ZNF91: variants seen among roughly 807,000 people sequenced by gnomAD.
ZNF91 encodes the protein zinc finger protein 91 (HPF7, HTF10).
ZNF91 carries 7 observed loss-of-function variants against 12.6 expected under a neutral mutation model. The ratio of observed to expected loss-of-function variants is 0.55; its 90% confidence interval spans 0.31 to 1.04. The LOEUF is 1.04. ZNF91 is among the 50% of genes least tolerant of loss of function. ZNF91 has a pLI of 0.05. For synonymous variants in ZNF91, 453 were observed against 462.6 expected (o/e 0.98, Z 0.27); for missense variants, 1,217 against 1,385.4 (o/e 0.88, Z 1.93).
At chr19:23,350,759 T>A (rs1968343160) in intron 3 of ZNF91, among the ~76,000 whole-genome samples, 1 of 152,032 alleles carries the variant, frequency 6.6e-6, no homozygotes, top group Admixed American at 6.6e-5. Flanking sequence ...GGAGACACAT[T>A]CCACCTGAAG....
intron 3 of ZNF91, among the ~76,000 whole-genome samples, chr19:23,364,728 T>G (rs1230735509): frequency 6.6e-6 from 1 of 152,116 alleles, no homozygotes; most frequent in Non-Finnish European, 1.5e-5. Context: ...AAGAATTTTA[T>G]GACTACTCAG....
At chr19:23,367,426 C>T (rs145056279) in intron 3 of ZNF91, among the ~76,000 whole-genome samples, 1 of 152,176 alleles carries the variant, frequency 6.6e-6, no homozygotes, top group African/African-American at 2.4e-5. Flanking sequence ...AAATAAAAAA[C>T]TCTTCAACAT....
chr19:23,389,195 C>T (rs779364430), intron 1 of ZNF91, among the ~76,000 whole-genome samples: 2 of 151,990 alleles, frequency 1.3e-5, no homozygotes, highest in Non-Finnish European at 2.9e-5. Context: ...AGAGTACACT[C>T]CAGGTAGAAA....
Position 23,350,371 on chromosome 19 carries a change from C to A in ZNF91, c.254-11317G>T, listed in dbSNP as rs1022848899. On this transcript the variant is annotated intron_variant, in intron 3 of 3. Coordinates refer to the ZNF91 transcript ENST00000599743. ...TCATCACTGGGTTCCTCCTGTTTCT[C>A]TCCTGTGTTATCCCACTAATAATAA... 5.9e-4 allele frequency among the ~76,000 whole-genome samples: 90 copies of A among 152,102 alleles called. 1 individual carries two copies. The highest frequency in any genetic ancestry group is 1.9e-4 in the Non-Finnish European group (13 of 68,026).
In ZNF91 at chr19:23,360,248, T is replaced by C. The variant is rs906421826; in HGVS notation, c.2731A>G (p.Lys911Glu). 52 of 1,613,952 alleles carry C rather than the reference T, an allele frequency of 3.2e-5. No individual in the cohort carries two copies. The highest frequency in any genetic ancestry group is 4.0e-5 in the Non-Finnish European group (47 of 1,180,018). The stretch of plus-strand genomic sequence containing the variant: ...AATGCTTTGCCACATTCTTCACATT[T>C]GTAGGTTTTCTCTCTGGTATGAATT... Reference protein sequence around the residue: ...KRIHTREKTYKCEECGKAFSQ... With the variant: ...KRIHTREKTYECEECGKAFSQ... Residue 911 changes from lysine (K) to glutamate (E), a missense_variant, in exon 4 of 4, where the codon AAA (lysine) becomes GAA (glutamate). Physicochemically the swap from Lys to Glu is moderately conservative, Grantham distance 56. This residue lies in a region of ZNF91 where 491 missense variants were observed against 489.8 expected (regional missense o/e 1.00). Transcript: ENST00000300619.
chr19:23,313,659 T>C (rs1182172711), upstream of ZNF91, among the ~76,000 whole-genome samples: 2 of 152,192 alleles, frequency 1.3e-5, no homozygotes, highest in Non-Finnish European at 2.9e-5. Flanking sequence ...ACAAAACTCA[T>C]AGTAAAGATT....
At chr19:23,372,455 A>T (rs1268111108) in intron 3 of ZNF91, among the ~76,000 whole-genome samples, 3 of 152,168 alleles carry the variant, frequency 2.0e-5, no homozygotes, top group Non-Finnish European at 4.4e-5. Context: ...GAGCTCTGAG[A>T]TCCAGGATGG....
chr19:23,369,656 A>G (rs1205507635), intron 3 of ZNF91, among the ~76,000 whole-genome samples: 1 of 152,212 alleles, frequency 6.6e-6, no homozygotes, highest in Non-Finnish European at 1.5e-5. Flanking sequence ...TTTGTTCTGT[A>G]CTAAGAAAAA....
chr19:23,378,356 T>C (rs1969578855), intron 1 of ZNF91, among the ~76,000 whole-genome samples: 1 of 152,190 alleles, frequency 6.6e-6, no homozygotes, highest in Admixed American at 6.5e-5. Flanking sequence ...AGGGTGAATC[T>C]AAACAGGGCT....
At chr19:23,367,788 C>A (rs1224303304) in intron 3 of ZNF91, among the ~76,000 whole-genome samples, 1 of 152,078 alleles carries the variant, frequency 6.6e-6, no homozygotes, top group Non-Finnish European at 1.5e-5. Context: ...TGGAAGATAA[C>A]CTTTTCAAAA....
At chr19:23,382,382 A>G (rs1352930157) in intron 1 of ZNF91, among the ~76,000 whole-genome samples, 3 of 152,220 alleles carry the variant, frequency 2.0e-5, no homozygotes, top group Admixed American at 6.5e-5. Flanking sequence ...TGAATAAAGC[A>G]TGTTCTCAGA....
chr19:23,312,681 C>G (rs1461394136), upstream of ZNF91, among the ~76,000 whole-genome samples: 1 of 152,138 alleles, frequency 6.6e-6, no homozygotes, highest in Non-Finnish European at 1.5e-5. Flanking sequence ...TCATTCTGGA[C>G]TCAGCTAATT....
chr19:23,389,116 T>C (rs907105526), intron 1 of ZNF91, among the ~76,000 whole-genome samples: 2 of 151,664 alleles, frequency 1.3e-5, no homozygotes, highest in African/African-American at 4.8e-5. Flanking sequence ...TTTAGCTGTA[T>C]AACAAACCTG....
At chr19:23,371,228 C>A (rs1221438035) in intron 3 of ZNF91, among the ~76,000 whole-genome samples, 1 of 152,080 alleles carries the variant, frequency 6.6e-6, no homozygotes, top group African/African-American at 2.4e-5. Context: ...TGCCTGATAT[C>A]CCAGGTACAT....
chr19:23,348,264 C>A (rs1313125169), intron 3 of ZNF91, among the ~76,000 whole-genome samples: 1 of 152,182 alleles, frequency 6.6e-6, no homozygotes, highest in Admixed American at 6.5e-5. Flanking sequence ...CCTTTGAAAT[C>A]ATGTATGGCT....
intron 3 of ZNF91, among the ~76,000 whole-genome samples, chr19:23,373,226 G>A (rs2039383976): frequency 6.6e-6 from 1 of 151,686 alleles, no homozygotes; most frequent in Admixed American, 6.6e-5. Context: ...TATTGTCAAT[G>A]CTTCTATTTT....
At chr19:23,331,653 T>C (rs918911372) in intron 1 of ZNF91, among the ~76,000 whole-genome samples, 4 of 152,190 alleles carry the variant, frequency 2.6e-5, no homozygotes, top group African/African-American at 9.7e-5. Context: ...GTAGATGTGG[T>C]GAACATGGTG....
chr19:23,312,854 GAT>G (rs1205215097), upstream of ZNF91, among the ~76,000 whole-genome samples: 1 of 152,188 alleles, frequency 6.6e-6, no homozygotes, highest in Non-Finnish European at 1.5e-5. Context: ...CGACAGAAAA[GAT>G]TGTCATCTTC....
chr19:23,358,356 ATAT>A lies in ZNF91; in HGVS notation c.*1044_*1046del, dbSNP rs1269097127. The A allele has an allele frequency of 1.3e-5, 2 of 152,192 alleles. No homozygotes were observed. Among genetic ancestry groups the A allele is most frequent in the African/African-American group, 4.8e-5 (2 of 41,460 alleles). The allele number at this position is 152,192 out of a possible 1,614,324, so 9.4% of individuals were successfully genotyped here. ...GAACATCTACCTCATGCATCACTCG[ATAT>A]TATAAGTTAACCATAAAGATCCTCT... On this transcript the variant is annotated 3_prime_UTR_variant, in exon 4 of 4. Transcript: ENST00000300619.
Sources: allele counts gnomAD v4.1 joint callset (sites outside exome capture counted in the v4.1 genomes callset), GRCh38; gene constraint gnomAD v4.1.1; regional missense constraint gnomAD v4.1.1; transcripts MANE v1.5; gene names NCBI Gene and HGNC (gene_info 2026-07-23, HGNC 2026-07-21).